SORBS2: variants seen among roughly 807,000 people sequenced by gnomAD.
SORBS2 encodes the protein sorbin and SH3 domain containing 2, also known as sorbin and SH3 domain-containing protein 2.
Under a neutral mutation model 97.7 loss-of-function variants are expected in SORBS2, and 46 were observed. The observed-to-expected ratio is 0.47, with a 90% CI of 0.37 to 0.60. The LOEUF is 0.60. Ranked by LOEUF, SORBS2 falls within the 20% of genes least tolerant of loss-of-function variation. The pLI is 0.00. For synonymous variants in SORBS2, 476 were observed against 473.4 expected, an observed-to-expected ratio of 1.01 and a Z score of -0.07; for missense variants, 1,316 against 1,282.3, an observed-to-expected ratio of 1.03 and a Z score of -0.40.
chr4:185,745,688 A>C (rs1292962177), intron 2 of SORBS2, among the ~76,000 whole-genome samples: 3 of 152,248 alleles, frequency 2.0e-5, no homozygotes, highest in Admixed American at 1.3e-4. Flanking sequence ...CAGCCAAAAG[A>C]CAAAACAGCA....
intron 1 of SORBS2, among the ~76,000 whole-genome samples, chr4:185,785,474 G>A (rs1584803467): frequency 1.3e-5 from 2 of 152,220 alleles, no homozygotes; most frequent in East Asian, 3.8e-4. Flanking sequence ...ACAGTCTCGT[G>A]TAAATATTTT....
chr4:185,781,246 G>C (rs1023539315), intron 1 of SORBS2, among the ~76,000 whole-genome samples: 5 of 152,148 alleles, frequency 3.3e-5, no homozygotes, highest in African/African-American at 1.2e-4. Context: ...CTGAAACTTT[G>C]TTTTAAACTG....
chr4:185,846,459 T>G (rs2099214591), intron 1 of SORBS2, among the ~76,000 whole-genome samples: 1 of 152,288 alleles, frequency 6.6e-6, no homozygotes, highest in South Asian at 2.1e-4. Flanking sequence ...TTCTACACAT[T>G]GATGTGTTGG....
At chr4:185,625,802 T>A (rs1257418504) in intron 6 of SORBS2, among the ~76,000 whole-genome samples, 1 of 152,106 alleles carries the variant, frequency 6.6e-6, no homozygotes, top group African/African-American at 2.4e-5. Flanking sequence ...CTACTCAGAG[T>A]CCAATCATCA....
chr4:185,643,253 G>C (rs1334234301), intron 4 of SORBS2, among the ~76,000 whole-genome samples: 2 of 152,214 alleles, frequency 1.3e-5, no homozygotes, highest in African/African-American at 2.4e-5. Flanking sequence ...TGTGAAGGAA[G>C]AGGTGGTGGG....
chr4:185,861,596 T>C (rs1019460260), intron 1 of SORBS2, among the ~76,000 whole-genome samples: 6 of 114,654 alleles, frequency 5.2e-5, no homozygotes, highest in African/African-American at 1.8e-4. Flanking sequence ...AGATCTGACT[T>C]CTATTTTTTT....
intron 1 of SORBS2, among the ~76,000 whole-genome samples, chr4:185,816,774 A>G (rs1184680300): frequency 1.3e-5 from 2 of 152,248 alleles, no homozygotes; most frequent in Non-Finnish European, 2.9e-5. Flanking sequence ...CACTTATCAA[A>G]TGAATTTAAA....
intron 2 of SORBS2, among the ~76,000 whole-genome samples, chr4:185,728,929 T>C (rs1393316055): frequency 1.3e-5 from 2 of 152,228 alleles, no homozygotes; most frequent in Non-Finnish European, 2.9e-5. Flanking sequence ...AATGCATGTT[T>C]TCTGAGGGGA....
chr4:185,831,103 AC>A (rs137987546), intron 1 of SORBS2, among the ~76,000 whole-genome samples: 38,319 of 152,040 alleles, frequency 0.25, 6,175 homozygotes, highest in Middle Eastern at 0.36. Context: ...TGCCATTTGA[AC>A]TTTTGATCGT....
At position 185,643,826 on chromosome 4, in the gene SORBS2, G is replaced by C. The variant is rs565838173; in HGVS notation, c.396+2842C>G. Among the ~76,000 whole-genome samples, 15 of 152,284 alleles carry C rather than the reference G, an allele frequency of 9.9e-5. No homozygotes were observed. The South Asian group carries it at 3.1e-3, about 32-fold the overall frequency. ...CTTCCAAGGCATCTTGGAGTCAAAA[G>C]ACATGAGAATGCATGAATAAGACCT... On this transcript the variant is annotated intron_variant, in intron 4 of 14. Transcript: ENST00000418609.
At position 185,717,978 on chromosome 4, in the gene SORBS2, C is replaced by T. The variant is rs754253975; in HGVS notation, c.-197-39156G>A. On this transcript the variant is annotated intron_variant, in intron 2 of 20. Coordinates refer to the SORBS2 transcript ENST00000284776. Reference sequence around the variant, plus strand: ...ATGTATGGCCGGGCGCAGTGGCTCACGCCTGCAACCCCGACACTTTGGGAG... The same window carrying T: ...ATGTATGGCCGGGCGCAGTGGCTCATGCCTGCAACCCCGACACTTTGGGAG... 9.2e-5 allele frequency among the ~76,000 whole-genome samples: 14 copies of T among 152,246 alleles called. No individual in the cohort carries two copies. The South Asian group carries it at 1.5e-3, about 16-fold the overall frequency.
rs563142315 is a variant in SORBS2 at position 185,656,178 on chromosome 4, G to A, written c.24+437C>T. 7.2e-5 allele frequency among the ~76,000 whole-genome samples: 11 copies of A among 152,266 alleles called. No individual in the cohort carries two copies. The South Asian group carries it at 1.5e-3, about 20-fold the overall frequency. ...TCTTTGGCACATAAATATGGCAATC[G>A]TCAGTTTCAAGACAGATTGTTAGAA... On this transcript the variant is annotated intron_variant, in intron 1 of 14. Transcript: ENST00000418609.
At chr4:185,683,368 C>T (rs76208922) in intron 2 of SORBS2, among the ~76,000 whole-genome samples, 2,517 of 152,226 alleles carry the variant, frequency 0.017, 34 homozygotes, top group Non-Finnish European at 0.025. Context: ...CTGGTACGTG[C>T]GTCAAGGTTC....
intron 1 of SORBS2, among the ~76,000 whole-genome samples, chr4:185,924,748 C>T (rs924567481): frequency 1.1e-4 from 16 of 152,248 alleles, no homozygotes; most frequent in African/African-American, 3.1e-4. Flanking sequence ...CTCATATAAG[C>T]AGCCACTTTG....
chr4:185,588,587 T>TCTCCTTCCTCCTCCTCCCTCCTCCTC (rs138160304), intron 14 of SORBS2, among the ~76,000 whole-genome samples: 1 of 122,860 alleles, frequency 8.1e-6, no homozygotes, highest in South Asian at 2.9e-4. Flanking sequence ...ATTTTACGTT[T>TCTCCTTCCTCCTCCTCCCTCCTCCTC]CTCCTCCCTC....
chr4:185,909,369 G>C (rs1437345632), intron 1 of SORBS2, among the ~76,000 whole-genome samples: 1 of 152,122 alleles, frequency 6.6e-6, no homozygotes, highest in Non-Finnish European at 1.5e-5. Flanking sequence ...ACAAGCATTG[G>C]AGACTCAGAA....
intron 4 of SORBS2, among the ~76,000 whole-genome samples, chr4:185,644,703 A>G (rs917610547): frequency 2.0e-5 from 3 of 152,250 alleles, no homozygotes; most frequent in African/African-American, 7.2e-5. Flanking sequence ...GGCATAAATT[A>G]CTAATTACAG....
chr4:185,947,214 G>C (rs2099274952), intron 1 of SORBS2, among the ~76,000 whole-genome samples: 1 of 152,204 alleles, frequency 6.6e-6, no homozygotes, highest in Admixed American at 6.5e-5. Context: ...AGTGTCCACA[G>C]CAATCTCGCT....
At position 185,596,530 on chromosome 4, in the gene SORBS2, C is replaced by CTTTTTTT. The variant is rs58831094; in HGVS notation, c.2797-2602_2797-2596dup. Among the ~76,000 whole-genome samples, 144 of 77,422 alleles carry CTTTTTTT rather than the reference C, an allele frequency of 1.9e-3. 4 individuals are homozygous for CTTTTTTT. Among genetic ancestry groups the CTTTTTTT allele is most frequent in the African/African-American group, 7.2e-3 (128 of 17,874 alleles). 50.8% of individuals were successfully genotyped at this position (77,422 alleles called of 152,430 possible). A position where few individuals can be genotyped will look rare whatever the true frequency, so the allele number is the denominator to read the frequency against. ...TGTGGGGCAGCCAGCACCGTCCTTGCTTTTTTTTTTTTTTTTTTTTTTTGA... is the reference window on the plus strand; with the variant it reads ...TGTGGGGCAGCCAGCACCGTCCTTGCTTTTTTTTTTTTTTTTTTTTTTTTTTTTTTGA... On this transcript the variant is annotated intron_variant, in intron 12 of 14. Coordinates refer to ENST00000418609, the Ensembl canonical transcript of SORBS2.
Sources: allele counts gnomAD v4.1 joint callset (sites outside exome capture counted in the v4.1 genomes callset), GRCh38; gene constraint gnomAD v4.1.1; transcripts MANE v1.5; gene names NCBI Gene and HGNC (gene_info 2026-07-23, HGNC 2026-07-21).